Variants in IMPG1 observed in about 807,000 individuals in gnomAD.
IMPG1 encodes interphotoreceptor matrix proteoglycan 1, also known as interphotoreceptor matrix proteoglycan of 150 kDa.
A neutral mutation model predicts 92.0 loss-of-function variants in IMPG1; 85 were observed. The observed-to-expected ratio is 0.92, with a 90% CI of 0.78 to 1.11. The LOEUF (loss-of-function observed/expected upper bound fraction) is 1.11, where lower values mean the gene tolerates loss of function less well. Among genes scored for constraint, IMPG1 ranks in the 50% least tolerant of loss-of-function variants. The pLI, the probability that IMPG1 is intolerant of heterozygous loss-of-function variation, is 0.00. For missense variants in IMPG1, 1,022 were observed against 956.0 expected, an observed-to-expected ratio of 1.07 and a Z score of -0.91; for synonymous variants, 367 against 334.1, an observed-to-expected ratio of 1.10 and a Z score of -1.08.
At chr6:76,053,406 A>T (rs1313956379) in intron 1 of IMPG1, among the ~76,000 whole-genome samples, 3 of 152,156 alleles carry the variant, frequency 2.0e-5, no homozygotes, top group Admixed American at 6.5e-5. Flanking sequence ...TTGGAGGTGG[A>T]TGGGGACAAC....
At chr6:76,035,609 C>T (rs1271858522) in intron 2 of IMPG1, among the ~76,000 whole-genome samples, 8 of 151,732 alleles carry the variant, frequency 5.3e-5, no homozygotes, top group Admixed American at 5.2e-4. Context: ...CCCTGGCTGT[C>T]CTTGAAGACT....
At chr6:75,948,076 G>T (rs1253105979) in intron 13 of IMPG1, among the ~76,000 whole-genome samples, 4 of 152,180 alleles carry the variant, frequency 2.6e-5, no homozygotes, top group Admixed American at 2.6e-4. Context: ...GAAACTGGCA[G>T]TTAGGAGACT....
chr6:76,002,937 T>C lies in IMPG1; in HGVS notation c.1272A>G (p.Gly424=), dbSNP rs1783022653. 6.2e-7 allele frequency: 1 copy of C among 1,613,312 alleles called. No individual in the cohort carries two copies. The highest frequency in any genetic ancestry group is 1.3e-5 in the African/African-American group (1 of 74,898). The change falls in exon 12 of 17, where the codon GGA becomes GGG. Residue 424 remains glycine (G), a synonymous_variant. Coordinates refer to ENST00000369950, the MANE Select transcript of IMPG1 (RefSeq NM_001563.4). ...ACTTACCAGGTAGACCATGCTCTGC[T>C]CCGTCCACTGTCTCAAGCTGGGGTT... is the stretch of plus-strand genomic sequence containing the variant. ...PVEPQLETVD[G]AEHGLPDTSW... is the part of the protein sequence containing the mutation.
chr6:75,956,652 T>C (rs1782127390), intron 12 of IMPG1, among the ~76,000 whole-genome samples: 1 of 152,210 alleles, frequency 6.6e-6, no homozygotes, highest in Admixed American at 6.5e-5. Context: ...ATTTGTTTGC[T>C]CTTGCTTCTC....
intron 12 of IMPG1, among the ~76,000 whole-genome samples, chr6:75,967,386 TATAAA>T (rs1782324839): frequency 6.6e-6 from 1 of 152,074 alleles, no homozygotes; most frequent in Non-Finnish European, 1.5e-5. Context: ...TTAGCATTCT[TATAAA>T]AGAGACTCCA....
At chr6:76,041,351 G>T (rs1248890088) in intron 2 of IMPG1, among the ~76,000 whole-genome samples, 1 of 152,132 alleles carries the variant, frequency 6.6e-6, no homozygotes, top group East Asian at 1.9e-4. Context: ...TAACACTCTT[G>T]CATTATATCT....
intron 2 of IMPG1, among the ~76,000 whole-genome samples, chr6:76,036,042 G>A (rs1387184820): frequency 6.6e-6 from 1 of 152,218 alleles, no homozygotes; most frequent in African/African-American, 2.4e-5. Flanking sequence ...AATAAGAACA[G>A]TGCTGTAACA....
At chr6:75,936,480 T>C (rs368974500) in intron 14 of IMPG1, among the ~76,000 whole-genome samples, 12 of 152,236 alleles carry the variant, frequency 7.9e-5, no homozygotes, top group East Asian at 3.8e-4. Context: ...CACAGCACCA[T>C]GCACATGTTT....
At chr6:76,059,040 C>A (rs1784163905) in intron 1 of IMPG1, among the ~76,000 whole-genome samples, 1 of 152,020 alleles carries the variant, frequency 6.6e-6, no homozygotes, top group South Asian at 2.1e-4. Context: ...GACAAAATGG[C>A]AGAGGCTGAG....
At chr6:76,007,334 C>A in intron 9 of IMPG1, 146 bp downstream of exon 9, 2 of 577,558 alleles carry the variant, frequency 3.5e-6, no homozygotes, top group Non-Finnish European at 6.0e-6. Flanking sequence ...GACAATTGTT[C>A]AATTACTTCC....
At chr6:76,034,830 C>T in intron 2 of IMPG1, 43 bp from the exon 3 acceptor site, 1 of 1,540,626 alleles carries the variant, frequency 6.5e-7, no homozygotes, top group Non-Finnish European at 8.9e-7. Flanking sequence ...AAGAGGGTCC[C>T]CGTACCCAAT....
At chr6:76,067,077 C>G (rs934364482) in intron 1 of IMPG1, among the ~76,000 whole-genome samples, 1 of 151,914 alleles carries the variant, frequency 6.6e-6, no homozygotes, top group Non-Finnish European at 1.5e-5. Context: ...TTTATGCTTA[C>G]ATGAAAAGAT....
chr6:76,054,152 A>G (rs1784084324), intron 1 of IMPG1, among the ~76,000 whole-genome samples: 2 of 152,150 alleles, frequency 1.3e-5, no homozygotes, highest in African/African-American at 2.4e-5. Flanking sequence ...AATATTTCCA[A>G]CACTATAGTT....
chr6:75,928,684 A>G (rs576690226), intron 15 of IMPG1: 1 of 152,222 alleles, frequency 6.6e-6, no homozygotes, highest in South Asian at 2.1e-4. Context: ...CTGGACCTCA[A>G]TTTCACTCCA....
chr6:76,061,732 T>A (rs1340301360), intron 1 of IMPG1, among the ~76,000 whole-genome samples: 1 of 152,170 alleles, frequency 6.6e-6, no homozygotes, highest in East Asian at 1.9e-4. Flanking sequence ...ATACATTGAA[T>A]GTCACAAGCA....
chr6:75,944,102 C>T (rs148024881), intron 14 of IMPG1, among the ~76,000 whole-genome samples: 1 of 152,288 alleles, frequency 6.6e-6, no homozygotes, highest in African/African-American at 2.4e-5. Context: ...CAGTCCAGTG[C>T]CCACTTCCTG....
At chr6:76,063,611 A>C (rs1784247678) in intron 1 of IMPG1, among the ~76,000 whole-genome samples, 1 of 152,080 alleles carries the variant, frequency 6.6e-6, no homozygotes, top group South Asian at 2.1e-4. Context: ...CTCCTTCTCT[A>C]CCCAAACTGC....
At chr6:76,058,684 G>A (rs1189967369) in intron 1 of IMPG1, among the ~76,000 whole-genome samples, 1 of 152,184 alleles carries the variant, frequency 6.6e-6, no homozygotes, top group Admixed American at 6.6e-5. Context: ...CAACGGTAGA[G>A]GGAAGTTTTG....
intron 1 of IMPG1, among the ~76,000 whole-genome samples, chr6:76,064,840 C>A (rs1394044180): frequency 1.3e-5 from 2 of 152,214 alleles, no homozygotes; most frequent in East Asian, 3.9e-4. Context: ...AACTGCACAA[C>A]CTAATACACA....
Sources: gnomAD v4.1 joint callset for allele counts (sites outside exome capture counted in the v4.1 genomes callset) on GRCh38, gnomAD v4.1.1 for gene constraint, MANE v1.5 for transcripts, NCBI Gene and HGNC (gene_info 2026-07-23, HGNC 2026-07-21) for gene names.